Variants in ZNF704 observed in about 807,000 individuals in gnomAD.
ZNF704 encodes the protein zinc finger protein 704, also known as glucocorticoid induced gene 1.
ZNF704 carries 10 observed loss-of-function variants against 44.7 expected under a neutral mutation model. The observed-to-expected ratio is 0.22, with a 90% CI of 0.14 to 0.38. The LOEUF (loss-of-function observed/expected upper bound fraction) is 0.38, where lower values mean the gene tolerates loss of function less well. Among genes scored for constraint, ZNF704 ranks in the 10% least tolerant of loss-of-function variants. The probability of loss-of-function intolerance (pLI) is 1.00; values close to 1 mark genes in which losing one functional copy is unlikely to be tolerated. For missense variants in ZNF704, 390 were observed against 545.5 expected, an observed-to-expected ratio of 0.71 and a Z score of 2.84; for synonymous variants, 211 against 207.6, an observed-to-expected ratio of 1.02 and a Z score of -0.14.
At chr8:80,737,378 G>A (rs563370739) in intron 2 of ZNF704, among the ~76,000 whole-genome samples, 2 of 152,310 alleles carry the variant, frequency 1.3e-5, no homozygotes, top group African/African-American at 4.8e-5. Flanking sequence ...CTGTTGCTAG[G>A]AGGACACAGT....
At chr8:80,688,567 A>G (rs1352393000) in intron 3 of ZNF704, among the ~76,000 whole-genome samples, 1 of 152,136 alleles carries the variant, frequency 6.6e-6, no homozygotes, top group African/African-American at 2.4e-5. Flanking sequence ...GGTTGGACCT[A>G]TTTCTTCAGT....
At chr8:80,679,274 C>G (rs1818414972) in intron 4 of ZNF704, among the ~76,000 whole-genome samples, 1 of 152,270 alleles carries the variant, frequency 6.6e-6, no homozygotes, top group South Asian at 2.1e-4. Flanking sequence ...AATGGTAGTT[C>G]AGTACTTTTC....
chr8:80,646,898 T>C (rs1247967366), intron 7 of ZNF704, among the ~76,000 whole-genome samples: 1 of 152,218 alleles, frequency 6.6e-6, no homozygotes, highest in East Asian at 1.9e-4. Context: ...CTGTACTTCA[T>C]TTAGTCAGAG....
intron 2 of ZNF704, among the ~76,000 whole-genome samples, chr8:80,696,772 G>A (rs1818733462): frequency 6.6e-6 from 1 of 152,206 alleles, no homozygotes; most frequent in African/African-American, 2.4e-5. Flanking sequence ...TATTGGGGAT[G>A]GGACGCAAGC....
chr8:80,804,193 T>C (rs961484724), intron 2 of ZNF704, among the ~76,000 whole-genome samples: 1 of 152,032 alleles, frequency 6.6e-6, no homozygotes, highest in Non-Finnish European at 1.5e-5. Context: ...GCTGGTGAGG[T>C]TGCAGAGAAA....
chr8:80,740,819 G>T (rs1214647399), intron 2 of ZNF704, among the ~76,000 whole-genome samples: 1 of 152,128 alleles, frequency 6.6e-6, no homozygotes, highest in African/African-American at 2.4e-5. Context: ...CATCTATTTG[G>T]CCAGGCATTA....
intron 1 of ZNF704, among the ~76,000 whole-genome samples, chr8:80,857,303 T>C (rs1808979186): frequency 6.6e-6 from 1 of 152,200 alleles, no homozygotes; most frequent in African/African-American, 2.4e-5. Context: ...GCCTTATTCC[T>C]GATATTGGTA....
intron 1 of ZNF704, among the ~76,000 whole-genome samples, chr8:80,834,266 C>T (rs866137486): frequency 2.5e-4 from 38 of 152,144 alleles, no homozygotes; most frequent in Middle Eastern, 3.4e-3. Flanking sequence ...ATCTAGTGTT[C>T]CATGACTTTC....
chr8:80,649,635 G>A (rs1023914287), intron 7 of ZNF704, among the ~76,000 whole-genome samples: 4 of 152,196 alleles, frequency 2.6e-5, no homozygotes, highest in Admixed American at 1.3e-4. Flanking sequence ...CGCCATTGCC[G>A]AGGCTTGAGT....
At position 80,643,120 on chromosome 8, in the gene ZNF704, T is replaced by G; in HGVS notation, c.1042A>C (p.Thr348Pro). ...TCTCCTGTGCCCACCGGATGATGTGTGGGTGACACCTGGTGAATACATGGA... is the reference window on the plus strand; with the variant it reads ...TCTCCTGTGCCCACCGGATGATGTGGGGGTGACACCTGGTGAATACATGGA... ...VTFTGIPVSP[T>P]HHPVGTGEQR... Residue 348 changes from threonine (T) to proline (P), a missense_variant, in exon 8 of 9, where the codon ACA becomes CCA. Physicochemically the swap from Thr to Pro is conservative, Grantham distance 38. Transcript: ENST00000327835. The G allele has an allele frequency of 6.2e-7, 1 of 1,604,348 alleles. No homozygotes were observed. The highest frequency in any genetic ancestry group is 8.5e-7 in the Non-Finnish European group (1 of 1,175,296).
chr8:80,667,968 T>C (rs1337764710), intron 5 of ZNF704, among the ~76,000 whole-genome samples: 5 of 152,318 alleles, frequency 3.3e-5, no homozygotes, highest in Non-Finnish European at 7.3e-5. Context: ...GTAAAATGCT[T>C]ATTAAATAAA....
At chr8:80,732,753 T>C (rs1299869831) in intron 2 of ZNF704, among the ~76,000 whole-genome samples, 1 of 152,028 alleles carries the variant, frequency 6.6e-6, no homozygotes, top group African/African-American at 2.4e-5. Context: ...CCCAGGAGTT[T>C]GAGACTATCT....
chr8:80,824,727 C>T (rs191517697), intron 1 of ZNF704, among the ~76,000 whole-genome samples: 4 of 152,294 alleles, frequency 2.6e-5, no homozygotes, highest in East Asian at 3.9e-4. Context: ...GTGTATCTCT[C>T]GGCAGAAACT....
intron 1 of ZNF704, among the ~76,000 whole-genome samples, chr8:80,835,949 C>T (rs528142158): frequency 1.3e-5 from 2 of 152,326 alleles, no homozygotes; most frequent in South Asian, 4.1e-4. Flanking sequence ...CAGTTACCAT[C>T]CTGGTTAAGC....
chr8:80,756,126 G>A (rs756674406), intron 2 of ZNF704, among the ~76,000 whole-genome samples: 1 of 151,162 alleles, frequency 6.6e-6, no homozygotes, highest in Non-Finnish European at 1.5e-5. Context: ...AAAAAATGTA[G>A]CTGAAGAGCT....
At chr8:80,723,825 T>C (rs866060197) in intron 2 of ZNF704, among the ~76,000 whole-genome samples, 8 of 152,232 alleles carry the variant, frequency 5.3e-5, no homozygotes, top group South Asian at 4.1e-4. Context: ...TGTCAGCTGT[T>C]AATTTTGGGC....
chr8:80,851,437 C>T (rs578073774), intron 1 of ZNF704, among the ~76,000 whole-genome samples: 89 of 151,992 alleles, frequency 5.9e-4, no homozygotes, highest in Non-Finnish European at 6.5e-4. Flanking sequence ...ATGGATGAAA[C>T]TGGAAACTAT....
intron 2 of ZNF704, among the ~76,000 whole-genome samples, chr8:80,695,997 T>A (rs566652323): frequency 6.6e-6 from 1 of 152,332 alleles, no homozygotes; most frequent in South Asian, 2.1e-4. Context: ...GATATGGCCT[T>A]GTGCTAAGTT....
chr8:80,758,732 C>T (rs933560227), intron 2 of ZNF704, among the ~76,000 whole-genome samples: 1 of 152,048 alleles, frequency 6.6e-6, no homozygotes, highest in African/African-American at 2.4e-5. Flanking sequence ...AAAGCATACA[C>T]TTTTTTCATA....
Sources: allele counts gnomAD v4.1 joint callset (sites outside exome capture counted in the v4.1 genomes callset), GRCh38; gene constraint gnomAD v4.1.1; transcripts MANE v1.5; gene names NCBI Gene and HGNC (gene_info 2026-07-23, HGNC 2026-07-21).